The following SLC25A37 variants were observed in gnomAD, a reference collection of about 807,000 sequenced individuals.
SLC25A37 encodes solute carrier family 25 member 37.
SLC25A37 carries 17 observed loss-of-function variants against 31.0 expected under a neutral mutation model. The observed-to-expected ratio is 0.55, with a 90% confidence interval of 0.38 to 0.82. The LOEUF is 0.82. SLC25A37 is among the 40% of genes least tolerant of loss of function. SLC25A37 has a pLI of 0.00. For synonymous variants in SLC25A37, 222 were observed against 193.0 expected, an observed-to-expected ratio of 1.15 and a Z score of -1.24; for missense variants, 404 against 465.8, an observed-to-expected ratio of 0.87 and a Z score of 1.22.
chr8:23,546,049 C>T (rs961626378), intron 1 of SLC25A37, among the ~76,000 whole-genome samples: 1 of 151,814 alleles, frequency 6.6e-6, no homozygotes, highest in South Asian at 2.1e-4. Flanking sequence ...GCGGGAGAAT[C>T]ACTTGAACCC....
At chr8:23,568,782 A>G (rs1802736516) in intron 3 of SLC25A37, 1 of 240,340 alleles carries the variant, frequency 4.2e-6, no homozygotes, top group Admixed American at 5.0e-5. Flanking sequence ...CATCTCTACT[A>G]AAAATACAAA....
intron 1 of SLC25A37, among the ~76,000 whole-genome samples, chr8:23,534,289 T>C (rs1801720649): frequency 6.6e-6 from 1 of 152,148 alleles, no homozygotes; most frequent in Non-Finnish European, 1.5e-5. Context: ...TTCCCTAAAG[T>C]TCCCTCAACC....
intron 1 of SLC25A37, among the ~76,000 whole-genome samples, chr8:23,560,466 C>G (rs1802486996): frequency 1.3e-5 from 2 of 152,186 alleles, no homozygotes; most frequent in Non-Finnish European, 2.9e-5. Flanking sequence ...CTCCTGTTAT[C>G]ATACACTTTC....
rs1801834377 is a variant in SLC25A37 at position 23,538,987 on chromosome 8, C to T, written c.210+9775C>T. Among the ~76,000 whole-genome samples the T allele has an allele frequency of 2.0e-5, 3 of 152,282 alleles. No individual in the cohort carries two copies. In the South Asian group the frequency reaches 6.2e-4, roughly 32 times the overall value. On this transcript the variant is annotated intron_variant, in intron 1 of 3. Coordinates refer to ENST00000519973, the MANE Select transcript of SLC25A37 (RefSeq NM_016612.4). ...GTGTTCCCTCCCCACCATCCTCACC[C>T]TCCCTCCCACGGTGGTTAGTCATTC...
intron 1 of SLC25A37, among the ~76,000 whole-genome samples, chr8:23,553,098 G>A (rs1013359194): frequency 6.6e-6 from 1 of 152,168 alleles, no homozygotes; most frequent in African/African-American, 2.4e-5. Flanking sequence ...GCTTTGTGAC[G>A]CTTCAGTGAG....
rs1802863082 is a variant in SLC25A37, at chr8:23,571,934, CA to C, written c.*80del. ...CCTTGCCCTCTCCTCACACGTAGAT[CA>C]TTTTTTTTTTGCAGGGTGCTGCCTA... On this transcript the variant is annotated 3_prime_UTR_variant, in exon 4 of 4. Coordinates refer to ENST00000519973, the MANE Select transcript of SLC25A37 (RefSeq NM_016612.4). The C allele has an allele frequency of 7.4e-7, 1 of 1,352,994 alleles. No individual in the cohort carries two copies. The highest frequency in any genetic ancestry group is 2.4e-5 in the East Asian group (1 of 41,472). 83.8% of individuals were successfully genotyped at this position (1,352,994 alleles called of 1,614,324 possible).
chr8:23,566,075 TTTTG>T, intron 1 of SLC25A37, 29 bp from the exon 2 acceptor site: 2 of 1,546,624 alleles, frequency 1.3e-6, no homozygotes, highest in South Asian at 1.3e-5. Context: ...TTAACTCTAT[TTTTG>T]TTTGTTTTCT....
chr8:23,530,318 A>G (rs550222261), intron 1 of SLC25A37, among the ~76,000 whole-genome samples: 94 of 152,280 alleles, frequency 6.2e-4, no homozygotes, highest in African/African-American at 2.2e-3. Flanking sequence ...CTAGGTGGCA[A>G]TTATTTTGCA....
In SLC25A37 at chr8:23,530,221, C is replaced by T. The variant is rs141948513; in HGVS notation, c.210+1009C>T. 4.9e-4 allele frequency among the ~76,000 whole-genome samples: 75 copies of T among 152,316 alleles called. 1 individual carries two copies. In the East Asian group the frequency reaches 0.013, roughly 26 times the overall value. On this transcript the variant is annotated intron_variant, in intron 1 of 3. Transcript: ENST00000519973. ...ATGAAGAAACTGAGGCGCAGAGAGGCGAACCGATTACCTTGCCCAGGCTCC... is the reference window on the plus strand; with the variant it reads ...ATGAAGAAACTGAGGCGCAGAGAGGTGAACCGATTACCTTGCCCAGGCTCC...
chr8:23,570,863 T>C (rs1373440076), intron 3 of SLC25A37, among the ~76,000 whole-genome samples: 1 of 152,156 alleles, frequency 6.6e-6, no homozygotes, highest in Admixed American at 6.5e-5. Flanking sequence ...AAGCTAGAAT[T>C]ACCATTAGAG....
In SLC25A37 at chr8:23,574,504, C is replaced by T. The variant is rs1207113841; in HGVS notation, c.*2649C>T. 6.5e-6 allele frequency: 1 copy of T among 154,540 alleles called. No homozygotes were observed. The highest frequency in any genetic ancestry group is 2.4e-5 in the African/African-American group (1 of 41,484). The allele number at this position is 154,540 out of a possible 1,614,324, so 9.6% of individuals were successfully genotyped here. A position where few individuals can be genotyped will look rare whatever the true frequency, so the allele number is the denominator to read the frequency against. On this transcript the variant is annotated 3_prime_UTR_variant, in exon 4 of 4. Transcript: ENST00000519973. ...ACCGGACCCTGGAGCTCTGTGGGCCCTGATTGCAGGCCCCTCCCTGTGTGA... is the reference window on the plus strand; with the variant it reads ...ACCGGACCCTGGAGCTCTGTGGGCCTTGATTGCAGGCCCCTCCCTGTGTGA...
chr8:23,535,437 G>A (rs1468891836), intron 1 of SLC25A37, among the ~76,000 whole-genome samples: 4 of 152,076 alleles, frequency 2.6e-5, no homozygotes, highest in African/African-American at 9.7e-5. Context: ...AAACTCTCTT[G>A]CCTTCTACCC....
intron 1 of SLC25A37, among the ~76,000 whole-genome samples, chr8:23,537,173 G>A (rs1163837922): frequency 7.5e-6 from 1 of 134,024 alleles, no homozygotes; most frequent in Admixed American, 9.1e-5. Context: ...TCCAGCCTGG[G>A]CAACAGAGCA....
chr8:23,561,132 T>C (rs982915990), intron 1 of SLC25A37, among the ~76,000 whole-genome samples: 2 of 152,134 alleles, frequency 1.3e-5, no homozygotes, highest in African/African-American at 2.4e-5. Flanking sequence ...GAAGGTCAGT[T>C]TTTGCATGAC....
chr8:23,552,411 C>T (rs915805271), intron 1 of SLC25A37, among the ~76,000 whole-genome samples: 2 of 152,150 alleles, frequency 1.3e-5, no homozygotes, highest in African/African-American at 2.4e-5. Context: ...AATAGGATTT[C>T]GACCTTGTGG....
At chr8:23,549,666 G>C (rs144840511) in intron 1 of SLC25A37, among the ~76,000 whole-genome samples, 3 of 152,268 alleles carry the variant, frequency 2.0e-5, no homozygotes, top group Non-Finnish European at 4.4e-5. Flanking sequence ...ACATCCCTTC[G>C]AGCTGTGGCT....
At chr8:23,551,836 A>G (rs1802234644) in intron 1 of SLC25A37, among the ~76,000 whole-genome samples, 1 of 152,172 alleles carries the variant, frequency 6.6e-6, no homozygotes, top group Non-Finnish European at 1.5e-5. Context: ...TCCTGGGCCT[A>G]TATATTCCAT....
chr8:23,569,323 C>A (rs562504837), intron 3 of SLC25A37, among the ~76,000 whole-genome samples: 2 of 152,034 alleles, frequency 1.3e-5, no homozygotes, highest in Non-Finnish European at 2.9e-5. Context: ...GGATCAGAAT[C>A]CCTGGAGCTA....
intron 1 of SLC25A37, among the ~76,000 whole-genome samples, chr8:23,548,748 G>A (rs1043364466): frequency 1.3e-5 from 2 of 152,182 alleles, no homozygotes; most frequent in African/African-American, 4.8e-5. Flanking sequence ...GGGATTACAG[G>A]CATGAGTCAC....
Sources: allele counts gnomAD v4.1 joint callset (sites outside exome capture counted in the v4.1 genomes callset), GRCh38; gene constraint gnomAD v4.1.1; transcripts MANE v1.5; gene names NCBI Gene and HGNC (gene_info 2026-07-23, HGNC 2026-07-21).